Variants in KLK6 observed in about 807,000 individuals in gnomAD.
KLK6 encodes kallikrein related peptidase 6.
In KLK6, 16 loss-of-function variants were observed where a neutral mutation model predicts 21.7. The ratio of observed to expected loss-of-function variants is 0.74; its 90% CI spans 0.50 to 1.12. The LOEUF is 1.12. Among genes scored for constraint, KLK6 ranks in the 50% most tolerant of loss-of-function variants. The pLI, the probability that KLK6 is intolerant of heterozygous loss-of-function variation, is 0.00. For missense variants in KLK6, 276 were observed against 304.6 expected, an observed-to-expected ratio of 0.91 and a Z score of 0.70; for synonymous variants, 116 against 120.1, an observed-to-expected ratio of 0.97 and a Z score of 0.22.
chr19:50,968,908 G>T, intron 1 of KLK6: 2 of 154,456 alleles, frequency 1.3e-5, no homozygotes, highest in South Asian at 3.7e-4. Flanking sequence ...GGTGACCCCT[G>T]ACCAGGCCTC....
At chr19:50,969,223 T>A (rs1600102114) in intron 1 of KLK6, among the ~76,000 whole-genome samples, 1 of 151,084 alleles carries the variant, frequency 6.6e-6, no homozygotes, top group East Asian at 1.9e-4. Flanking sequence ...AACTCCTGGG[T>A]CTGAGGGAGG....
intron 3 of KLK6, among the ~76,000 whole-genome samples, 156 bp from the exon 4 acceptor site, chr19:50,967,481 C>G (rs1013948868): frequency 1.3e-5 from 2 of 149,508 alleles, no homozygotes; most frequent in African/African-American, 5.0e-5. Context: ...AGTTTGAGAC[C>G]AGCCTCGGTA....
intron 1 of KLK6, 38 bp from the exon 2 acceptor site, chr19:50,968,629 G>A: frequency 5.9e-6 from 1 of 170,408 alleles, no homozygotes; most frequent in Non-Finnish European, 1.3e-5. Flanking sequence ...AGAAATGCGG[G>A]GAGCCGTGAG....
Position 50,965,625 on chromosome 19 carries a change from G to T in KLK6, c.197+1544C>A, listed in dbSNP as rs113942082. On this transcript the variant is annotated intron_variant, in intron 4 of 6. Coordinates refer to ENST00000310157, the MANE Select transcript of KLK6 (RefSeq NM_002774.4). The stretch of plus-strand genomic sequence containing the variant: ...TTCTGTCCTTGTGCTCCCGAGGGCA[G>T]GGATGACGTGTGTGTCCCATCCATT... Among the ~76,000 whole-genome samples, 8 of 152,324 alleles carry T rather than the reference G, an allele frequency of 5.3e-5. 1 individual carries two copies. The highest frequency in any genetic ancestry group is 1.9e-4 in the African/African-American group (8 of 41,562).
Position 50,959,294 on chromosome 19 carries a change from AC to A in KLK6, c.604del (p.Val202TyrfsTer48), listed in dbSNP as rs754707199. On this transcript the variant is annotated frameshift_variant, in exon 7 of 7. Transcript: ENST00000310157. LOFTEE classifies it low-confidence loss of function (END_TRUNC). Reference sequence around the variant, plus strand: ...AAGGCCTCGGAGGTGGTCTCCACATACCAGCGGACCCCCAGAATCACCCTGC... The same window carrying A: ...AAGGCCTCGGAGGTGGTCTCCACATACAGCGGACCCCCAGAATCACCCTGC... ...SCQGDSGGPLVCGDHLRGLVS... is the reference protein window; with the variant it reads ...SCQGDSGGPLXCGDHLRGLVS... The A allele has an allele frequency of 8.7e-6, 14 of 1,613,668 alleles. No homozygotes were observed.
chr19:50,959,246 C>T lies in KLK6; in HGVS notation c.653G>A (p.Cys218Tyr), dbSNP rs1480436901. The change falls in exon 7 of 7, where the codon TGT becomes TAT. Residue 218 changes from cysteine to tyrosine, a missense_variant. Cys to Tyr is a radical substitution (Grantham distance 194, BLOSUM62 -2). Coordinates refer to ENST00000310157, the MANE Select transcript of KLK6 (RefSeq NM_002774.4). ...GACTCCTGGCTTCTCCTTTGATCCA[C>T]AGGGGATGTTACCCCATGACACAAG... ...RGLVSWGNIP[C>Y]GSKEKPGVYT... The T allele has an allele frequency of 4.3e-6, 7 of 1,613,846 alleles. No homozygotes were observed. The highest frequency in any genetic ancestry group is 1.1e-5 in the South Asian group (1 of 91,062).
rs151197718 is a variant in KLK6, at chr19:50,966,055, G to A, written c.197+1114C>T. ...GCTTTAAATACACCTGTTTGCTGACGATGCCTTCATTTTAACCTCCAGCCC... is the reference window on the plus strand; with the variant it reads ...GCTTTAAATACACCTGTTTGCTGACAATGCCTTCATTTTAACCTCCAGCCC... On this transcript the variant is annotated intron_variant, in intron 4 of 6. Transcript: ENST00000310157. Among the ~76,000 whole-genome samples, 96 of 152,192 alleles carry A rather than the reference G, an allele frequency of 6.3e-4. 1 individual carries two copies. In the East Asian group the frequency reaches 0.017, roughly 28 times the overall value.
chr19:50,965,034 G>T (rs2090903150), intron 4 of KLK6, among the ~76,000 whole-genome samples: 1 of 152,050 alleles, frequency 6.6e-6, no homozygotes, highest in South Asian at 2.1e-4. Context: ...TCTAAAGTAG[G>T]TACCCGTATT....
chr19:50,968,051 T>G lies in KLK6; in HGVS notation c.40+14A>C. On this transcript the variant is annotated intron_variant, in intron 3 of 6. Transcript: ENST00000310157. Reference sequence around the variant, plus strand: ...TGTCTGCAAGCCTCCCCCATCCAAATGCCCTTTCCCCACCTGCAGCAATCA... The same window carrying G: ...TGTCTGCAAGCCTCCCCCATCCAAAGGCCCTTTCCCCACCTGCAGCAATCA... The G allele has an allele frequency of 3.1e-6, 5 of 1,602,792 alleles. No homozygotes were observed. The highest frequency in any genetic ancestry group is 1.7e-4 in the Middle Eastern group (1 of 6,010).
At chr19:50,959,455 G>T (rs572720060) in intron 6 of KLK6, 139 bp from the exon 7 acceptor site, 1 of 734,766 alleles carries the variant, frequency 1.4e-6, no homozygotes, top group East Asian at 2.7e-5. Flanking sequence ...CTGAAAGATG[G>T]AGAGAAAGAC....
At chr19:50,967,056 C>G (rs1342032952) in intron 4 of KLK6, 113 bp downstream of exon 4, 1 of 1,172,216 alleles carries the variant, frequency 8.5e-7, no homozygotes, top group East Asian at 2.4e-5. Context: ...ACCTGGCTAT[C>G]AGATGGCCTC....
In KLK6 at chr19:50,961,603, T is replaced by G. The variant is rs2090840822; in HGVS notation, c.582+141A>C. The G allele has an allele frequency of 3.2e-6, 3 of 948,668 alleles. No individual in the cohort carries two copies. In the South Asian group the frequency reaches 5.4e-5, roughly 17 times the overall value. The allele number at this position is 948,668 out of a possible 1,614,324, so 58.8% of individuals were successfully genotyped here. On this transcript the variant is annotated intron_variant, in intron 6 of 6. Coordinates refer to ENST00000310157, the MANE Select transcript of KLK6 (RefSeq NM_002774.4). ...GAACTAAGTCTCTTCTTTTCAAGGC[T>G]TGGGTTCTCCCTCAGCCTGTCTCTA...
chr19:50,959,607 A>G (rs1174854503), intron 6 of KLK6, among the ~76,000 whole-genome samples: 1 of 137,082 alleles, frequency 7.3e-6, no homozygotes, highest in Non-Finnish European at 1.6e-5. Context: ...AAGAAAGAGA[A>G]ACAATTTAAG....
At position 50,963,374 on chromosome 19, in the gene KLK6, G is replaced by C; in HGVS notation, c.373C>G (p.Leu125Val). The C allele has an allele frequency of 6.2e-7, 1 of 1,614,202 alleles. No individual in the cohort carries two copies. Among genetic ancestry groups the C allele is most frequent in the Non-Finnish European group, 8.5e-7 (1 of 1,180,036 alleles). The change falls in exon 5 of 7, where the codon CTT becomes GTT. Residue 125 changes from leucine (L) to valine (V), a missense_variant. Coordinates refer to ENST00000310157, the MANE Select transcript of KLK6 (RefSeq NM_002774.4). ...GCTGAGCAGTCCCTCTCCAGGGGAA[G>C]GGGCTGGATGAGTTCAGAGAGTTTG... ...PAKLSELIQP[L>V]PLERDCSANT...
At chr19:50,967,989 C>T (rs1308984333) in intron 3 of KLK6, 76 bp downstream of exon 3, 12 of 1,354,256 alleles carry the variant, frequency 8.9e-6, no homozygotes, top group Non-Finnish European at 1.3e-5. Flanking sequence ...ATCCCCATCC[C>T]CAATACCAGC....
At position 50,959,267 on chromosome 19, in the gene KLK6, A is replaced by G. The variant is rs2090766025; in HGVS notation, c.632T>C (p.Val211Ala). ...LVCGDHLRGLVSWGNIPCGSK... is the reference protein window; with the variant it reads ...LVCGDHLRGLASWGNIPCGSK... ...TCCACAGGGGATGTTACCCCATGAC[A>G]CAAGGCCTCGGAGGTGGTCTCCACA... Residue 211 changes from valine (V) to alanine (A), a missense_variant, in exon 7 of 7, where the codon GTG (valine) becomes GCG (alanine). Val to Ala is a moderately conservative substitution (Grantham distance 64). Transcript: ENST00000310157. 1.2e-6 allele frequency: 2 copies of G among 1,614,010 alleles called. No individual in the cohort carries two copies. The highest frequency in any genetic ancestry group is 2.2e-5 in the South Asian group (2 of 91,070).
chr19:50,960,372 G>A (rs956007972), intron 6 of KLK6, among the ~76,000 whole-genome samples: 1 of 151,990 alleles, frequency 6.6e-6, no homozygotes, highest in African/African-American at 2.4e-5. Context: ...CCCTTGGTTG[G>A]TCTCTGCACA....
chr19:50,968,992 G>C (rs968994592), intron 1 of KLK6: 1 of 154,776 alleles, frequency 6.5e-6, no homozygotes, highest in African/African-American at 2.5e-5. Context: ...GGGGCTTGGG[G>C]GCCTGGACTC....
At chr19:50,968,014 C>A (rs1196387843) in intron 3 of KLK6, 51 bp downstream of exon 3, 1 of 1,565,706 alleles carries the variant, frequency 6.4e-7, no homozygotes, top group Non-Finnish European at 8.8e-7. Context: ...TCTCCATCAA[C>A]AAGCCCAACC....
Sources: allele counts gnomAD v4.1 joint callset (sites outside exome capture counted in the v4.1 genomes callset), GRCh38; gene constraint gnomAD v4.1.1; transcripts MANE v1.5; gene names NCBI Gene and HGNC (gene_info 2026-07-23, HGNC 2026-07-21).